KIAA1958: variants seen among roughly 807,000 people sequenced by gnomAD.
KIAA1958 encodes KIAA1958.
A neutral mutation model predicts 47.2 loss-of-function variants in KIAA1958; 14 were observed. The observed-to-expected ratio is 0.30, with a 90% CI of 0.20 to 0.46. The LOEUF (loss-of-function observed/expected upper bound fraction) is 0.46, where lower values mean the gene tolerates loss of function less well. Ranked by LOEUF, KIAA1958 falls within the 20% of genes least tolerant of loss-of-function variation. The pLI is 1.00. For missense variants in KIAA1958, 803 were observed against 909.2 expected (o/e 0.88, Z 1.50); for synonymous variants, 354 against 353.3 (o/e 1.00, Z -0.02).
At chr9:112,490,504 G>A (rs1355212552) in intron 1 of KIAA1958, among the ~76,000 whole-genome samples, 1 of 152,170 alleles carries the variant, frequency 6.6e-6, no homozygotes. Flanking sequence ...CTGTGCTCTG[G>A]TCCGTTTCCT....
At chr9:112,599,769 G>C (rs752005118) in intron 2 of KIAA1958, among the ~76,000 whole-genome samples, 1 of 152,202 alleles carries the variant, frequency 6.6e-6, no homozygotes, top group African/African-American at 2.4e-5. Flanking sequence ...ATGATGTCTT[G>C]TATATCAAAG....
rs1164496681 is a variant in KIAA1958, at chr9:112,583,550, G to A, written c.1171+8299G>A. 2.6e-5 allele frequency among the ~76,000 whole-genome samples: 4 copies of A among 152,136 alleles called. No homozygotes were observed. The East Asian group carries it at 7.7e-4, about 29-fold the overall frequency. ...TCTACAGTGCAACTTCTTGATAACA[G>A]GAGAAAAAAATCAGTTAACCTTAGT... On this transcript the variant is annotated intron_variant, in intron 2 of 3. Transcript: ENST00000337530.
At chr9:112,512,318 A>G (rs1834336991) in intron 1 of KIAA1958, among the ~76,000 whole-genome samples, 3 of 152,250 alleles carry the variant, frequency 2.0e-5, no homozygotes, top group Admixed American at 6.5e-5. Context: ...ATAACCAAGT[A>G]GGTTTATGGA....
rs192583648 is a variant in KIAA1958 at position 112,595,214 on chromosome 9, T to A, written c.1171+19963T>A. Among the ~76,000 whole-genome samples the A allele has an allele frequency of 2.6e-3, 403 of 152,300 alleles. 8 individuals carry two copies. Among genetic ancestry groups the A allele is most frequent in the Admixed American group, 0.023 (356 of 15,296 alleles). The stretch of plus-strand genomic sequence containing the variant: ...AACTGTGACAATAATAGAAAAACAA[T>A]TAGATACAAGATAATCCATAATGAA... On this transcript the variant is annotated intron_variant, in intron 2 of 3. Coordinates refer to ENST00000337530, the MANE Select transcript of KIAA1958 (RefSeq NM_133465.4).
In KIAA1958 at chr9:112,618,697, G is replaced by T; in HGVS notation, c.1172-26953G>T. 1 of 1,550,712 alleles carries T rather than the reference G, an allele frequency of 6.4e-7. No individual in the cohort carries two copies. The highest frequency in any genetic ancestry group is 2.4e-5 in the East Asian group (1 of 40,928). ...CCCTTGGCAAGAACAAGCTGGCCAA[G>T]ATGGTGAAGACCATGTGTGAGAAGG... is the stretch of plus-strand genomic sequence containing the variant. On this transcript the variant is annotated intron_variant, in intron 2 of 3. Transcript: ENST00000337530. The surrounding 1 kb of genome is among the most constrained non-coding windows in gnomAD (Gnocchi z 7.1).
intron 2 of KIAA1958, among the ~76,000 whole-genome samples, chr9:112,644,991 C>A (rs374925803): frequency 6.8e-6 from 1 of 146,590 alleles, no homozygotes; most frequent in African/African-American, 2.5e-5. Flanking sequence ...AAAAATTAGC[C>A]AGACGTGATG....
At chr9:112,650,744 G>A (rs1837043338) in intron 3 of KIAA1958, among the ~76,000 whole-genome samples, 1 of 152,182 alleles carries the variant, frequency 6.6e-6, no homozygotes, top group Admixed American at 6.5e-5. Flanking sequence ...GAGAGATACT[G>A]TCGGACTGGA....
At position 112,618,313 on chromosome 9, in the gene KIAA1958, C is replaced by T. The variant is rs1031177618; in HGVS notation, c.1172-27337C>T. ...AAAGGGGACTGCTAAGCCGATATAA[C>T]CCCGAGGGTTTGCTCAACCTAGTCT... On this transcript the variant is annotated intron_variant, in intron 2 of 3. Transcript: ENST00000337530. This position sits in a 1 kb window ranked among gnomAD's most constrained non-coding sequence, Gnocchi z 7.1. 24 of 1,551,054 alleles carry T rather than the reference C, an allele frequency of 1.5e-5. No individual in the cohort carries two copies. In the Middle Eastern group the frequency reaches 5.0e-4, roughly 32 times the overall value.
chr9:112,621,371 TA>T (rs1446275423), intron 2 of KIAA1958, among the ~76,000 whole-genome samples: 1 of 152,228 alleles, frequency 6.6e-6, no homozygotes. Context: ...AAGGTCTCTG[TA>T]AAACACTTAA....
intron 1 of KIAA1958, among the ~76,000 whole-genome samples, chr9:112,533,985 G>A (rs1451283858): frequency 6.6e-6 from 1 of 152,180 alleles, no homozygotes; most frequent in Non-Finnish European, 1.5e-5. Flanking sequence ...GTGCAAGAGA[G>A]ACAGTAGAAC....
At chr9:112,506,806 G>A (rs1409886046) in intron 1 of KIAA1958, among the ~76,000 whole-genome samples, 1 of 151,748 alleles carries the variant, frequency 6.6e-6, no homozygotes, top group Non-Finnish European at 1.5e-5. Flanking sequence ...TTTTTTGCCG[G>A]ATCATGGGTT....
chr9:112,521,007 C>T (rs1396584204), intron 1 of KIAA1958, among the ~76,000 whole-genome samples: 1 of 152,072 alleles, frequency 6.6e-6, no homozygotes, highest in Non-Finnish European at 1.5e-5. Context: ...TTCTCCTTTA[C>T]ATTATAAGCC....
Position 112,618,010 on chromosome 9 carries a change from T to A in KIAA1958, c.1172-27640T>A. 10 of 1,550,586 alleles carry A rather than the reference T, an allele frequency of 6.4e-6. No homozygotes were observed. The highest frequency in any genetic ancestry group is 8.7e-6 in the Non-Finnish European group (10 of 1,146,978). ...AAACAAGAGAGATTTATGTCATCCC[T>A]TGCAAGGAGTTGGATGCCTACCTTG... On this transcript the variant is annotated intron_variant, in intron 2 of 3. Transcript: ENST00000337530. The surrounding 1 kb of genome is among the most constrained non-coding windows in gnomAD (Gnocchi z 7.1).
At chr9:112,536,035 C>T (rs935580094) in intron 1 of KIAA1958, among the ~76,000 whole-genome samples, 5 of 152,200 alleles carry the variant, frequency 3.3e-5, no homozygotes, top group African/African-American at 9.6e-5. Context: ...TCCCTTCCTT[C>T]CATTCTCATC....
intron 1 of KIAA1958, among the ~76,000 whole-genome samples, chr9:112,564,638 TTAAA>T (rs1352794161): frequency 8.5e-5 from 13 of 152,346 alleles, no homozygotes; most frequent in African/African-American, 2.9e-4. Flanking sequence ...TAGTGCTGGC[TTAAA>T]TAGTTTTTAT....
intron 3 of KIAA1958, among the ~76,000 whole-genome samples, chr9:112,651,466 C>G (rs1386860402): frequency 6.6e-6 from 1 of 150,954 alleles, no homozygotes; most frequent in African/African-American, 2.4e-5. Flanking sequence ...ACAATCTCAG[C>G]TCACTGCAAC....
Position 112,659,911 on chromosome 9 carries a change from A to T in KIAA1958, c.1993A>T (p.Ser665Cys). Residue 665 changes from serine (S) to cysteine (C), a missense_variant, in exon 4 of 4, where the codon AGC becomes TGC. Physicochemically the swap from Ser to Cys is moderately radical, Grantham distance 112. This residue lies in a region of KIAA1958 where 761 missense variants were observed against 829.3 expected (regional missense o/e 0.92). Coordinates refer to ENST00000337530, the MANE Select transcript of KIAA1958 (RefSeq NM_133465.4). ...TARKEATDMGSVWYEEQRMGL... is the reference protein window; with the variant it reads ...TARKEATDMGCVWYEEQRMGL... The stretch of plus-strand genomic sequence containing the variant: ...CAGGAAGGAGGCCACAGACATGGGC[A>T]GCGTGTGGTATGAGGAGCAGAGGAT... The T allele has an allele frequency of 6.2e-7, 1 of 1,614,232 alleles. No individual in the cohort carries two copies. Among genetic ancestry groups the T allele is most frequent in the Non-Finnish European group, 8.5e-7 (1 of 1,180,042 alleles).
At chr9:112,641,563 T>G (rs1836892156) in intron 2 of KIAA1958, among the ~76,000 whole-genome samples, 1 of 152,082 alleles carries the variant, frequency 6.6e-6, no homozygotes. Context: ...TATCCTAAAG[T>G]TTCAAATCTT....
intron 2 of KIAA1958, among the ~76,000 whole-genome samples, chr9:112,612,225 T>C (rs1836339055): frequency 6.6e-6 from 1 of 151,892 alleles, no homozygotes; most frequent in Non-Finnish European, 1.5e-5. Context: ...CTGGACAACT[T>C]CGTAAGACCC....
Sources: gnomAD v4.1 joint callset for allele counts (sites outside exome capture counted in the v4.1 genomes callset) on GRCh38, gnomAD v4.1.1 for gene constraint, gnomAD v4.1.1 regional missense constraint, Gnocchi (gnomAD v3.1) non-coding constraint, MANE v1.5 for transcripts, NCBI Gene and HGNC (gene_info 2026-07-23, HGNC 2026-07-21) for gene names.